CNTN5: variants seen among roughly 807,000 people sequenced by gnomAD.
CNTN5 encodes the protein contactin 5, also known as contactin-5.
A neutral mutation model predicts 129.1 loss-of-function variants in CNTN5; 77 were observed. The observed-to-expected ratio is 0.60, with a 90% CI of 0.50 to 0.72. The LOEUF is 0.72. CNTN5 is among the 30% of genes least tolerant of loss of function. CNTN5 has a pLI of 0.00. For missense variants in CNTN5, 1,478 were observed against 1,328.8 expected (o/e 1.11, Z -1.75); for synonymous variants, 509 against 465.6 (o/e 1.09, Z -1.20).
At chr11:99,990,394 CA>C (rs201791378) in intron 8 of CNTN5, among the ~76,000 whole-genome samples, 17 of 146,218 alleles carry the variant, frequency 1.2e-4, no homozygotes, top group South Asian at 4.3e-4. Context: ...GGCTATTTTC[CA>C]AAAAAAAATA....
chr11:99,748,768 G>T (rs940682907), intron 3 of CNTN5, among the ~76,000 whole-genome samples: 1 of 152,098 alleles, frequency 6.6e-6, no homozygotes, highest in African/African-American at 2.4e-5. Context: ...CTACTTTTTT[G>T]TTCTATCCAG....
chr11:99,028,496 A>G (rs537174758), intron 1 of CNTN5, among the ~76,000 whole-genome samples: 1 of 151,952 alleles, frequency 6.6e-6, no homozygotes, highest in East Asian at 1.9e-4. Flanking sequence ...CTTTTCTCCT[A>G]ATGAGTCTTT....
chr11:99,048,884 C>T (rs1424550612), intron 1 of CNTN5, among the ~76,000 whole-genome samples: 1 of 152,176 alleles, frequency 6.6e-6, no homozygotes, highest in Admixed American at 6.6e-5. Context: ...CTTCAATTTT[C>T]CTTAGTGTGT....
chr11:99,185,518 T>A (rs1185776428), intron 1 of CNTN5, among the ~76,000 whole-genome samples: 1 of 151,954 alleles, frequency 6.6e-6, no homozygotes, highest in South Asian at 2.1e-4. Flanking sequence ...TAGAAGATAA[T>A]TGCCTTTAGG....
intron 4 of CNTN5, among the ~76,000 whole-genome samples, chr11:99,843,513 T>G (rs1354731640): frequency 6.6e-6 from 1 of 152,186 alleles, no homozygotes; most frequent in Non-Finnish European, 1.5e-5. Flanking sequence ...TATTTTCTTG[T>G]GATTATCTGC....
intron 1 of CNTN5, among the ~76,000 whole-genome samples, chr11:99,079,436 C>T (rs1418312984): frequency 1.3e-5 from 2 of 152,098 alleles, no homozygotes. Flanking sequence ...CATGTAATGA[C>T]CATGATATCT....
chr11:100,248,325 G>A (rs1015885032), intron 16 of CNTN5, among the ~76,000 whole-genome samples: 1 of 152,074 alleles, frequency 6.6e-6, no homozygotes, highest in Non-Finnish European at 1.5e-5. Flanking sequence ...GTTTGGGACT[G>A]CTTGAGGCCA....
At chr11:99,834,925 A>C (rs1385084461) in intron 4 of CNTN5, among the ~76,000 whole-genome samples, 1 of 152,210 alleles carries the variant, frequency 6.6e-6, no homozygotes. Context: ...TTTATTTGAT[A>C]CCTTGTTTTC....
At chr11:99,044,404 C>A (rs909743709) in intron 1 of CNTN5, among the ~76,000 whole-genome samples, 16 of 152,160 alleles carry the variant, frequency 1.1e-4, no homozygotes, top group Admixed American at 9.8e-4. Flanking sequence ...TGTCTCTAAT[C>A]TGCAGCCCGC....
At chr11:99,926,446 A>G (rs1950065054) in intron 7 of CNTN5, among the ~76,000 whole-genome samples, 1 of 152,316 alleles carries the variant, frequency 6.6e-6, no homozygotes, top group East Asian at 1.9e-4. Flanking sequence ...CTTTAAAGCT[A>G]TATAAAATGG....
intron 3 of CNTN5, among the ~76,000 whole-genome samples, chr11:99,636,242 TG>T (rs1951548346): frequency 6.6e-6 from 1 of 152,178 alleles, no homozygotes. Flanking sequence ...TATAGTTATA[TG>T]GGGGAGATTG....
intron 13 of CNTN5, among the ~76,000 whole-genome samples, chr11:100,167,155 A>AAAAC (rs1947665311): frequency 6.6e-6 from 1 of 151,870 alleles, no homozygotes; most frequent in Non-Finnish European, 1.5e-5. Context: ...AATTCCAATT[A>AAAAC]AAACAGTACA....
At chr11:100,289,600 G>T (rs988184935) in intron 18 of CNTN5, among the ~76,000 whole-genome samples, 1 of 152,056 alleles carries the variant, frequency 6.6e-6, no homozygotes, top group African/African-American at 2.4e-5. Flanking sequence ...GGTGTTGATG[G>T]GACGTATCTC....
At chr11:99,101,340 C>A (rs956374984) in intron 1 of CNTN5, among the ~76,000 whole-genome samples, 1 of 152,154 alleles carries the variant, frequency 6.6e-6, no homozygotes, top group African/African-American at 2.4e-5. Context: ...TCCCAAATCT[C>A]ATGTCCTCAT....
chr11:99,569,299 T>TTCA (rs1461326332), intron 3 of CNTN5, among the ~76,000 whole-genome samples: 1 of 146,988 alleles, frequency 6.8e-6, no homozygotes, highest in African/African-American at 2.4e-5. Flanking sequence ...GTTTTTTATT[T>TTCA]TTATTATTTA....
intron 1 of CNTN5, among the ~76,000 whole-genome samples, chr11:99,209,043 GTTGCAAATATAAAATCTA>G (rs1859629847): frequency 6.6e-6 from 1 of 151,938 alleles, no homozygotes; most frequent in Non-Finnish European, 1.5e-5. Context: ...TTTTAATAAT[GTTGCAAATATAAAATCTA>G]TTTTAAAATA....
chr11:99,745,260 T>G (rs1199381333), intron 3 of CNTN5, among the ~76,000 whole-genome samples: 1 of 152,180 alleles, frequency 6.6e-6, no homozygotes, highest in Non-Finnish European at 1.5e-5. Flanking sequence ...TTTTAAATGC[T>G]GGAAGAAAAA....
At chr11:99,395,581 A>G (rs1015054550) in intron 2 of CNTN5, among the ~76,000 whole-genome samples, 4 of 151,748 alleles carry the variant, frequency 2.6e-5, no homozygotes, top group Non-Finnish European at 5.9e-5. Context: ...TTTTGGTGCC[A>G]TTGCTTTTGG....
At chr11:99,709,714 TAGA>T (rs1273236090) in intron 3 of CNTN5, among the ~76,000 whole-genome samples, 4 of 151,828 alleles carry the variant, frequency 2.6e-5, no homozygotes, top group Admixed American at 1.3e-4. Context: ...TAAATTTTAA[TAGA>T]AGTTTGAAAA....
Sources: gnomAD v4.1 joint callset for allele counts (sites outside exome capture counted in the v4.1 genomes callset) on GRCh38, gnomAD v4.1.1 for gene constraint, MANE v1.5 for transcripts, NCBI Gene and HGNC (gene_info 2026-07-23, HGNC 2026-07-21) for gene names.